The following UBE2L6 variants were observed in gnomAD, a reference collection of about 807,000 sequenced individuals.
The protein encoded by UBE2L6 is ubiquitin conjugating enzyme E2 L6.
Under a neutral mutation model 13.6 loss-of-function variants are expected in UBE2L6, and 11 were observed. That is an observed-to-expected ratio of 0.81 (90% CI 0.51 to 1.34). The LOEUF is 1.34. Among genes scored for constraint, UBE2L6 ranks in the 40% most tolerant of loss-of-function variants. The pLI is 0.00. For synonymous variants in UBE2L6, 74 were observed against 83.2 expected, an observed-to-expected ratio of 0.89 and a Z score of 0.60; for missense variants, 197 against 199.5, an observed-to-expected ratio of 0.99 and a Z score of 0.07.
At chr11:57,562,156 T>C (rs1244054380) in intron 1 of UBE2L6, among the ~76,000 whole-genome samples, 1 of 152,210 alleles carries the variant, frequency 6.6e-6, no homozygotes, top group Non-Finnish European at 1.5e-5. Context: ...CCTTTGGGCC[T>C]TAGGCGAACA....
upstream of UBE2L6, chr11:57,567,914 G>T: frequency 2.8e-6 from 1 of 355,730 alleles, no homozygotes; most frequent in Non-Finnish European, 5.1e-6. Flanking sequence ...GCCTCCCGCG[G>T]GGTGCGCCGT....
chr11:57,564,362 A>G (rs909633516), intron 1 of UBE2L6, among the ~76,000 whole-genome samples: 2 of 152,226 alleles, frequency 1.3e-5, no homozygotes, highest in African/African-American at 4.8e-5. Flanking sequence ...ATATCCAGTG[A>G]AAATATCCTT....
chr11:57,567,776 AGGAGGCCGTCGAAGGACGACCCGCC>A (rs1678469015), upstream of UBE2L6: 1 of 792,790 alleles, frequency 1.3e-6, no homozygotes, highest in Non-Finnish European at 1.8e-6. Context: ...CGGCGAGGCC[AGGAGGCCGTCGAAGGACGACCCGCC>A]GGACAACCGC....
intron 3 of UBE2L6, among the ~76,000 whole-genome samples, chr11:57,553,896 C>T (rs1590807271): frequency 1.3e-5 from 2 of 152,140 alleles, no homozygotes; most frequent in East Asian, 3.9e-4. Flanking sequence ...CAAGTGCTGC[C>T]GTTTGTCATC....
upstream of UBE2L6, chr11:57,567,919 C>T (rs2234405): frequency 4.7e-3 from 1,613 of 341,828 alleles, 7 homozygotes; most frequent in South Asian, 0.011. Flanking sequence ...CCGCGGGGTG[C>T]GCCGTGCACC....
Position 57,567,604 on chromosome 11 carries a change from G to A in UBE2L6, c.8C>T (p.Ala3Val), listed in dbSNP as rs1327830240. Residue 3 changes from alanine to valine, a missense_variant, in exon 1 of 4, where the codon GCG (alanine) becomes GTG (valine). By Grantham distance (64) the Ala-to-Val change is moderately conservative. Transcript: ENST00000287156. Reference protein sequence around the residue: MMASMRVVKELED... With the variant: MMVSMRVVKELED... ...GGTTACCTTCACCACTCGCATGCTC[G>A]CCATCATGTCGGGACCGAGTGTGTG... The A allele has an allele frequency of 6.2e-7, 1 of 1,608,406 alleles. No homozygotes were observed. Among genetic ancestry groups the A allele is most frequent in the Non-Finnish European group, 8.5e-7 (1 of 1,178,292 alleles).
At chr11:57,567,307 G>A (rs1945100290) in intron 1 of UBE2L6, 2 of 559,542 alleles carry the variant, frequency 3.6e-6, no homozygotes, top group Admixed American at 3.0e-5. Context: ...GTTTCAGGCA[G>A]GAAAAGCGAA....
rs1247995715 is a variant in UBE2L6 at position 57,552,098 on chromosome 11, T to TA, written c.*259dup. The TA allele has an allele frequency of 6.7e-6, 3 of 445,906 alleles. No individual in the cohort carries two copies. Among genetic ancestry groups the TA allele is most frequent in the East Asian group, 4.3e-5 (1 of 23,402 alleles). The allele number at this position is 445,906 out of a possible 1,614,324, so 27.6% of individuals were successfully genotyped here. On this transcript the variant is annotated 3_prime_UTR_variant, in exon 4 of 4. Coordinates refer to ENST00000287156, the MANE Select transcript of UBE2L6 (RefSeq NM_004223.5). ...GAGAACTGGCCTGTAACTGCAAACTTAAACTCCCTTGGCTCTGGGGAATGT... is the reference window on the plus strand; with the variant it reads ...GAGAACTGGCCTGTAACTGCAAACTTAAAACTCCCTTGGCTCTGGGGAATGT...
intron 1 of UBE2L6, among the ~76,000 whole-genome samples, chr11:57,565,228 G>C (rs545125505): frequency 6.6e-6 from 1 of 151,516 alleles, no homozygotes; most frequent in African/African-American, 2.4e-5. Flanking sequence ...GGCAACAAGA[G>C]TGAAACTCCA....
chr11:57,552,190 C>T lies in UBE2L6; in HGVS notation c.*168G>A, dbSNP rs1590806497. ...GGAGTGAGTCCATACACAACACACA[C>T]ACTCATAGCTCCCTTCCCTCCACCA... On this transcript the variant is annotated 3_prime_UTR_variant, in exon 4 of 4. Transcript: ENST00000287156. The T allele has an allele frequency of 1.1e-6, 1 of 950,254 alleles. No individual in the cohort carries two copies. Among genetic ancestry groups the T allele is most frequent in the Non-Finnish European group, 1.6e-6 (1 of 631,156 alleles). 58.9% of individuals were successfully genotyped at this position (950,254 alleles called of 1,614,324 possible).
chr11:57,561,339 TC>T (rs1945045335), intron 1 of UBE2L6, among the ~76,000 whole-genome samples: 1 of 152,096 alleles, frequency 6.6e-6, no homozygotes. Flanking sequence ...CACCTGAATA[TC>T]CCTTCTGAAT....
chr11:57,560,716 G>A (rs1945037188), intron 1 of UBE2L6, among the ~76,000 whole-genome samples: 1 of 151,532 alleles, frequency 6.6e-6, no homozygotes, highest in Admixed American at 6.6e-5. Context: ...CGCCTCCTGG[G>A]TTCACGCCAT....
intron 1 of UBE2L6, 159 bp downstream of exon 1, chr11:57,567,426 C>G (rs957369251): frequency 8.4e-6 from 9 of 1,075,150 alleles, no homozygotes. Flanking sequence ...CAGGCCAGTC[C>G]TCCTCTGAGT....
At chr11:57,559,594 A>AG (rs1489886676) in intron 2 of UBE2L6, among the ~76,000 whole-genome samples, 8 of 152,240 alleles carry the variant, frequency 5.3e-5, no homozygotes, top group Non-Finnish European at 1.0e-4. Flanking sequence ...TGGGTGACAC[A>AG]GTAAGACTCT....
chr11:57,559,758 C>T (rs1945024471), intron 2 of UBE2L6, among the ~76,000 whole-genome samples: 1 of 151,318 alleles, frequency 6.6e-6, no homozygotes, highest in African/African-American at 2.4e-5. Context: ...TATCTTTAGT[C>T]ACTAATAATC....
intron 3 of UBE2L6, among the ~76,000 whole-genome samples, chr11:57,552,729 G>A (rs975827736): frequency 6.6e-6 from 1 of 152,122 alleles, no homozygotes; most frequent in Non-Finnish European, 1.5e-5. Context: ...TACATTCCAT[G>A]GCTTCAGAGA....
chr11:57,567,668 G>C lies in UBE2L6; in HGVS notation c.-57C>G. The C allele has an allele frequency of 6.4e-7, 1 of 1,559,104 alleles. No homozygotes were observed. The highest frequency in any genetic ancestry group is 8.7e-7 in the Non-Finnish European group (1 of 1,149,170). On this transcript the variant is annotated 5_prime_UTR_variant, in exon 1 of 4. Transcript: ENST00000287156. ...CCAGCAGGACCGAGCTCCGACCCGC[G>C]ACACAGCGCGCCCCGCCCCGCCCCG...
At chr11:57,567,754 C>T (rs922832316), upstream of UBE2L6, 4 of 990,888 alleles carry the variant, frequency 4.0e-6, no homozygotes, top group Admixed American at 1.0e-4. Context: ...GTGGGCCTCC[C>T]CGCACCCGCT....
At chr11:57,566,351 G>A (rs1455956679) in intron 1 of UBE2L6, among the ~76,000 whole-genome samples, 1 of 152,182 alleles carries the variant, frequency 6.6e-6, no homozygotes, top group Non-Finnish European at 1.5e-5. Context: ...AAGAGAGCCT[G>A]CAGGCTGGAG....
Sources: gnomAD v4.1 joint callset for allele counts (sites outside exome capture counted in the v4.1 genomes callset) on GRCh38, gnomAD v4.1.1 for gene constraint, MANE v1.5 for transcripts, NCBI Gene and HGNC (gene_info 2026-07-23, HGNC 2026-07-21) for gene names.